The following RABGAP1L variants were observed in gnomAD, a reference collection of about 807,000 sequenced individuals.
The protein encoded by RABGAP1L is RAB GTPase activating protein 1 like, also known as rab GTPase-activating protein 1-like.
RABGAP1L carries 63 observed loss-of-function variants against 137.7 expected under a neutral mutation model. That is an observed-to-expected ratio of 0.46 (90% CI 0.37 to 0.56). The LOEUF is 0.56. RABGAP1L is among the 20% of genes least tolerant of loss of function. RABGAP1L has a pLI of 0.00. For synonymous variants in RABGAP1L, 431 were observed against 433.7 expected, an observed-to-expected ratio of 0.99 and a Z score of 0.08; for missense variants, 1,095 against 1,244.0, an observed-to-expected ratio of 0.88 and a Z score of 1.80.
chr1:174,602,163 A>C (rs1460101350), intron 13 of RABGAP1L, among the ~76,000 whole-genome samples: 1 of 152,158 alleles, frequency 6.6e-6, no homozygotes, highest in African/African-American at 2.4e-5. Context: ...TATGGGTACC[A>C]ATTTACTCTA....
intron 17 of RABGAP1L, among the ~76,000 whole-genome samples, chr1:174,735,612 C>CAAAAAAAAAAAAA (rs59281177): frequency 4.3e-5 from 2 of 46,134 alleles, no homozygotes; most frequent in Non-Finnish European, 7.7e-5. Flanking sequence ...AACTCCATCT[C>CAAAAAAAAAAAAA]AAAAAAAAAA....
chr1:174,241,247 G>C (rs1011754007), intron 4 of RABGAP1L, among the ~76,000 whole-genome samples: 20 of 152,096 alleles, frequency 1.3e-4, no homozygotes, highest in Non-Finnish European at 2.2e-4. Flanking sequence ...TTGAACTCGG[G>C]AGGTGGAGGT....
chr1:174,531,675 G>C (rs916082895), intron 13 of RABGAP1L, among the ~76,000 whole-genome samples: 2 of 146,378 alleles, frequency 1.4e-5, no homozygotes, highest in Non-Finnish European at 3.0e-5. Flanking sequence ...TGAGGCTGTA[G>C]TGTGCTTTAA....
chr1:174,701,045 A>G, intron 16 of RABGAP1L: 2 of 1,298,138 alleles, frequency 1.5e-6, no homozygotes, highest in South Asian at 1.3e-5. Flanking sequence ...TTTTTCAAAG[A>G]GAGCATGTAG....
chr1:174,778,397 T>A (rs1686701044), intron 18 of RABGAP1L, among the ~76,000 whole-genome samples: 1 of 152,162 alleles, frequency 6.6e-6, no homozygotes, highest in African/African-American at 2.4e-5. Flanking sequence ...TTAAAGGAAG[T>A]CCTAAGGAAG....
At chr1:174,469,771 C>T (rs546072466) in intron 13 of RABGAP1L, among the ~76,000 whole-genome samples, 43 of 152,214 alleles carry the variant, frequency 2.8e-4, no homozygotes, top group Non-Finnish European at 5.4e-4. Flanking sequence ...AAAACAAGAA[C>T]ATCAAAATTG....
intron 11 of RABGAP1L, among the ~76,000 whole-genome samples, chr1:174,339,003 G>A (rs901578468): frequency 2.6e-5 from 4 of 152,112 alleles, no homozygotes; most frequent in Non-Finnish European, 5.9e-5. Flanking sequence ...TATGTTTTAT[G>A]TAATTCCTGA....
intron 15 of RABGAP1L, among the ~76,000 whole-genome samples, chr1:174,688,944 G>A (rs551189244): frequency 2.2e-4 from 33 of 152,194 alleles, no homozygotes; most frequent in African/African-American, 7.9e-4. Flanking sequence ...GAACACCAAT[G>A]AAGTGGTAAC....
At chr1:174,226,791 T>G (rs1490916886) in intron 3 of RABGAP1L, among the ~76,000 whole-genome samples, 1 of 152,034 alleles carries the variant, frequency 6.6e-6, no homozygotes, top group Non-Finnish European at 1.5e-5. Context: ...TAAAAAAAAT[T>G]TTCATCTATT....
At chr1:174,886,602 C>T (rs61639092) in intron 19 of RABGAP1L, among the ~76,000 whole-genome samples, 1 of 152,316 alleles carries the variant, frequency 6.6e-6, no homozygotes, top group South Asian at 2.1e-4. Context: ...TTTGTTTTTA[C>T]TTAAAACTTC....
At chr1:174,271,136 T>C (rs761077130) in intron 7 of RABGAP1L, among the ~76,000 whole-genome samples, 69 of 152,238 alleles carry the variant, frequency 4.5e-4, no homozygotes, top group Admixed American at 9.2e-4. Flanking sequence ...TCTTGTAGAT[T>C]ATATTTTGTT....
rs3084003 is a variant in RABGAP1L, at chr1:174,707,218, C to CTGTTTTGTTTTGTTTTGTTTTGTTT, written c.2169+4974_2169+4998dup. 4.1e-3 allele frequency among the ~76,000 whole-genome samples: 613 copies of CTGTTTTGTTTTGTTTTGTTTTGTTT among 150,502 alleles called. 9 individuals are homozygous for CTGTTTTGTTTTGTTTTGTTTTGTTT. The highest frequency in any genetic ancestry group is 9.3e-3 in the Admixed American group (141 of 15,132). ...TTGTGATCAAGGGCAAGGTTTTGTT[C>CTGTTTTGTTTTGTTTTGTTTTGTTT]TGTTTTGTTTTGTTTTGTTTTGTTT... On this transcript the variant is annotated intron_variant, in intron 17 of 25. Transcript: ENST00000681986.
intron 13 of RABGAP1L, among the ~76,000 whole-genome samples, chr1:174,506,372 T>C (rs1233030789): frequency 3.3e-5 from 5 of 152,170 alleles, no homozygotes; most frequent in African/African-American, 1.2e-4. Flanking sequence ...GCCTAAGATA[T>C]TTACTGTCTG....
intron 15 of RABGAP1L, among the ~76,000 whole-genome samples, chr1:174,690,933 G>A (rs1678829633): frequency 6.7e-6 from 1 of 149,362 alleles, no homozygotes; most frequent in Middle Eastern, 3.2e-3. Flanking sequence ...CTGGGTTCAA[G>A]GAATTTTTCT....
intron 18 of RABGAP1L, among the ~76,000 whole-genome samples, chr1:174,770,457 A>G (rs568525694): frequency 5.3e-5 from 8 of 152,334 alleles, no homozygotes; most frequent in South Asian, 2.1e-4. Flanking sequence ...TGTTGAAGCA[A>G]TTTCTCATTA....
At chr1:174,965,405 T>G (rs560085896) in intron 20 of RABGAP1L, among the ~76,000 whole-genome samples, 1 of 152,316 alleles carries the variant, frequency 6.6e-6, no homozygotes, top group Admixed American at 6.5e-5. Context: ...CTTGTCAACA[T>G]TTCAAAATGA....
chr1:174,240,375 T>C (rs1365070431), intron 4 of RABGAP1L, among the ~76,000 whole-genome samples: 1 of 152,216 alleles, frequency 6.6e-6, no homozygotes, highest in Non-Finnish European at 1.5e-5. Flanking sequence ...GCCTCCTGAA[T>C]AGCTGGGAAT....
Position 174,702,265 on chromosome 1 carries a change from A to ACTCC in RABGAP1L, c.2169+11_2169+14dup. 6.3e-7 allele frequency: 1 copy of ACTCC among 1,579,650 alleles called. No individual in the cohort carries two copies. The highest frequency in any genetic ancestry group is 8.6e-7 in the Non-Finnish European group (1 of 1,165,396). ...ACTTACTGCTTTGTGAGGTAGAGTG[A>ACTCC]CTCCCATCTTTCACTAAGCCAAAAT... is the stretch of plus-strand genomic sequence containing the variant. On this transcript the variant is annotated intron_variant, in intron 17 of 25. Coordinates refer to ENST00000681986, the MANE Select transcript of RABGAP1L (RefSeq NM_001366446.1).
At chr1:174,613,488 A>G (rs1371350230) in intron 13 of RABGAP1L, among the ~76,000 whole-genome samples, 2 of 152,034 alleles carry the variant, frequency 1.3e-5, no homozygotes, top group African/African-American at 2.4e-5. Flanking sequence ...TATGTGGTCA[A>G]TTTTGGAATA....
Sources: allele counts gnomAD v4.1 joint callset (sites outside exome capture counted in the v4.1 genomes callset), GRCh38; gene constraint gnomAD v4.1.1; transcripts MANE v1.5; gene names NCBI Gene and HGNC (gene_info 2026-07-23, HGNC 2026-07-21).